The following CAPN15 variants were observed in gnomAD, a reference collection of about 807,000 sequenced individuals.
CAPN15 encodes calpain-15.
A neutral mutation model predicts 97.9 loss-of-function variants in CAPN15; 53 were observed. The observed-to-expected ratio is 0.54, with a 90% CI of 0.43 to 0.68. The LOEUF (loss-of-function observed/expected upper bound fraction) is 0.68. Ranked by LOEUF, CAPN15 falls within the 30% of genes least tolerant of loss-of-function variation. CAPN15 has a pLI of 0.00. For missense variants in CAPN15, 1,592 were observed against 1,589.8 expected, an observed-to-expected ratio of 1.00 and a Z score of -0.02; for synonymous variants, 922 against 722.5, an observed-to-expected ratio of 1.28 and a Z score of -4.43.
At chr16:534,358 T>C (rs1293834941) in intron 2 of CAPN15, among the ~76,000 whole-genome samples, 1 of 152,182 alleles carries the variant, frequency 6.6e-6, no homozygotes, top group Non-Finnish European at 1.5e-5. Context: ...CCCACCGCTA[T>C]CCTCAGCCAG....
rs773749272 is a variant in CAPN15, at chr16:548,197, C to T, written c.1359C>T (p.Arg453=). 1 of 1,543,458 alleles carries T rather than the reference C, an allele frequency of 6.5e-7. No homozygotes were observed. The highest frequency in any genetic ancestry group is 8.7e-7 in the Non-Finnish European group (1 of 1,145,298). ...AQRRGAAPLR[R]RESMHVEQRR... is the part of the protein sequence containing the mutation. ...GGCGGGGGGCCGCGCCCCTGAGGCG[C>T]AGGGAGAGCATGCACGTGGAGCAGC... is the stretch of plus-strand genomic sequence containing the variant. The change falls in exon 4 of 14, where the codon CGC becomes CGT. Residue 453 remains arginine, a synonymous_variant. Coordinates refer to ENST00000219611, the MANE Select transcript of CAPN15 (RefSeq NM_005632.3).
Position 551,383 on chromosome 16 carries a change from GCATGCCT to G in CAPN15, c.2149_2155del (p.His717ThrfsTer97). 1 of 1,610,458 alleles carries G rather than the reference GCATGCCT, an allele frequency of 6.2e-7. No homozygotes were observed. Among genetic ancestry groups the G allele is most frequent in the Non-Finnish European group, 8.5e-7 (1 of 1,178,840 alleles). ...ACGAGAGCCTGGGCCTGCGCCCCCG[GCATGCCT>G]ACTCCATCCTGGATGTCCGAGATGT... On this transcript the variant is annotated frameshift_variant, in exon 8 of 14. Coordinates refer to ENST00000219611, the MANE Select transcript of CAPN15 (RefSeq NM_005632.3). LOFTEE classifies it high-confidence loss of function.
Position 548,032 on chromosome 16 carries a change from G to A in CAPN15, c.1194G>A (p.Arg398=), listed in dbSNP as rs1339344973. The A allele has an allele frequency of 6.4e-7, 1 of 1,564,446 alleles. No homozygotes were observed. The highest frequency in any genetic ancestry group is 8.6e-7 in the Non-Finnish European group (1 of 1,156,910). Residue 398 remains arginine (R), a synonymous_variant, in exon 4 of 14, where the codon CGG becomes CGA. Transcript: ENST00000219611. The part of the protein sequence containing the change: ...KPSPCGRSCG[R]VSSAQKAARV... ...GCCCCTGCGGCAGAAGCTGCGGACG[G>A]GTGTCCTCGGCCCAGAAGGCCGCCC...
At chr16:551,890 T>G in intron 9 of CAPN15, 161 bp from the exon 10 acceptor site, 1 of 980,946 alleles carries the variant, frequency 1.0e-6, no homozygotes, top group Non-Finnish European at 1.6e-6. Flanking sequence ...GGCTTCCTAT[T>G]ATAGGCCTCA....
At chr16:551,871 G>A in intron 9 of CAPN15, 180 bp from the exon 10 acceptor site, 1 of 960,822 alleles carries the variant, frequency 1.0e-6, no homozygotes, top group Non-Finnish European at 1.6e-6. Flanking sequence ...TGAAGAGCCG[G>A]CCCTGGAGGG....
Position 547,122 on chromosome 16 carries a change from G to C in CAPN15, c.284G>C (p.Gly95Ala), listed in dbSNP as rs1416235993. The C allele has an allele frequency of 5.7e-6, 9 of 1,567,600 alleles. No homozygotes were observed. The highest frequency in any genetic ancestry group is 7.8e-6 in the Non-Finnish European group (9 of 1,158,528). The change falls in exon 4 of 14, where the codon GGG becomes GCG. Residue 95 changes from glycine to alanine, a missense_variant. By Grantham distance (60) the Gly-to-Ala change is moderately conservative (BLOSUM62 0). Coordinates refer to ENST00000219611, the MANE Select transcript of CAPN15 (RefSeq NM_005632.3). ...CTCCCCAAGCCACCCGCCATCCTGG[G>C]GGAGCCCAAGGGCAGCTGCCAGGAG... is the stretch of plus-strand genomic sequence containing the variant. ...GVLPKPPAIL[G>A]EPKGSCQEEA...
chr16:547,264 G>A lies in CAPN15; in HGVS notation c.426G>A (p.Glu142=), dbSNP rs775186912. ...EEQEEEEGAA[E]PRGGWACPRC... ...AGGAGGAGGAGGAGGGAGCGGCGGA[G>A]CCCAGAGGGGGCTGGGCGTGTCCGC... Residue 142 remains glutamate (E), a synonymous_variant, in exon 4 of 14, where the codon GAG becomes GAA. Coordinates refer to ENST00000219611, the MANE Select transcript of CAPN15 (RefSeq NM_005632.3). The A allele has an allele frequency of 6.6e-7, 1 of 1,509,560 alleles. No homozygotes were observed. The highest frequency in any genetic ancestry group is 8.8e-7 in the Non-Finnish European group (1 of 1,134,188). 93.5% of individuals were successfully genotyped at this position (1,509,560 alleles called of 1,614,324 possible). A position where few individuals can be genotyped will look rare whatever the true frequency, so the allele number is the denominator to read the frequency against.
chr16:547,259 G>C lies in CAPN15; in HGVS notation c.421G>C (p.Ala141Pro), dbSNP rs1305969577. ...KEEQEEEEGAAEPRGGWACPR... is the reference protein window; with the variant it reads ...KEEQEEEEGAPEPRGGWACPR... ...GGAGCAGGAGGAGGAGGAGGGAGCG[G>C]CGGAGCCCAGAGGGGGCTGGGCGTG... Residue 141 changes from alanine to proline, a missense_variant, in exon 4 of 14, where the codon GCG becomes CCG. By Grantham distance (27) the Ala-to-Pro change is conservative (BLOSUM62 -1). Coordinates refer to ENST00000219611, the MANE Select transcript of CAPN15 (RefSeq NM_005632.3). 1.3e-6 allele frequency: 2 copies of C among 1,509,880 alleles called. No homozygotes were observed. Among genetic ancestry groups the C allele is most frequent in the East Asian group, 2.4e-5 (1 of 41,134 alleles). The allele number at this position is 1,509,880 out of a possible 1,614,324, so 93.5% of individuals were successfully genotyped here.
rs1211951630 is a variant in CAPN15 at position 547,615 on chromosome 16, G to A, written c.777G>A (p.Val259=). 2.5e-6 allele frequency: 4 copies of A among 1,570,388 alleles called. No individual in the cohort carries two copies. Among genetic ancestry groups the A allele is most frequent in the Non-Finnish European group, 8.6e-7 (1 of 1,160,018 alleles). ...TTCCCCCCCAGCTGCAGCCACCGGT[G>A]CCTGAGGCTGCCCAGCCGTCACCCT... ...REVPPQLQPP[V]PEAAQPSPSA... is the part of the protein sequence containing the mutation. The change falls in exon 4 of 14, where the codon GTG becomes GTA. Residue 259 remains valine (V), a synonymous_variant. Coordinates refer to ENST00000219611, the MANE Select transcript of CAPN15 (RefSeq NM_005632.3).
intron 1 of CAPN15, among the ~76,000 whole-genome samples, chr16:531,376 A>G (rs1335212028): frequency 6.6e-6 from 1 of 152,068 alleles, no homozygotes; most frequent in Non-Finnish European, 1.5e-5. Flanking sequence ...GCCCTTTGTA[A>G]GTGAAGTCCC....
chr16:554,623 G>A lies in CAPN15; in HGVS notation c.*1107G>A, dbSNP rs984565752. The A allele has an allele frequency of 3.9e-5, 18 of 456,090 alleles. No individual in the cohort carries two copies. The highest frequency in any genetic ancestry group is 9.3e-5 in the South Asian group (6 of 64,570). The allele number at this position is 456,090 out of a possible 1,614,324, so 28.3% of individuals were successfully genotyped here. A position where few individuals can be genotyped will look rare whatever the true frequency, so the allele number is the denominator to read the frequency against. On this transcript the variant is annotated 3_prime_UTR_variant, in exon 14 of 14. Transcript: ENST00000219611. ...AGGCTCCAATGGACCAAATAAAAGC[G>A]TTTTGTTTTGTAATCACGCCTCCTC...
At position 547,608 on chromosome 16, in the gene CAPN15, C is replaced by G. The variant is rs2034685613; in HGVS notation, c.770C>G (p.Pro257Arg). Residue 257 changes from proline to arginine, a missense_variant, in exon 4 of 14, where the codon CCA (proline) becomes CGA (arginine). Physicochemically the swap from Pro to Arg is moderately radical, Grantham distance 103. Coordinates refer to ENST00000219611, the MANE Select transcript of CAPN15 (RefSeq NM_005632.3). Reference protein sequence around the residue: ...SRREVPPQLQPPVPEAAQPSP... With the variant: ...SRREVPPQLQRPVPEAAQPSP... ...CGCGAGGTTCCCCCCCAGCTGCAGC[C>G]ACCGGTGCCTGAGGCTGCCCAGCCG... The G allele has an allele frequency of 7.0e-6, 11 of 1,572,860 alleles. No homozygotes were observed. Among genetic ancestry groups the G allele is most frequent in the African/African-American group, 1.3e-5 (1 of 74,284 alleles).
intron 1 of CAPN15, chr16:528,597 C>G: frequency 1.0e-5 from 3 of 299,204 alleles, no homozygotes; most frequent in Non-Finnish European, 1.5e-5. Context: ...CTGCTGTCCT[C>G]CCGCTGGCTG....
rs559085100 is a variant in CAPN15, at chr16:551,839, A to G, written c.2345+175A>G. Reference sequence around the variant, plus strand: ...CCAACCTCAGAATTCAGGTCCACCCAGGTCAGCAGATTCCAGCGCCCTGAA... The same window carrying G: ...CCAACCTCAGAATTCAGGTCCACCCGGGTCAGCAGATTCCAGCGCCCTGAA... On this transcript the variant is annotated intron_variant, in intron 9 of 13. Transcript: ENST00000219611. 15 of 1,007,548 alleles carry G rather than the reference A, an allele frequency of 1.5e-5. No individual in the cohort carries two copies. The East Asian group carries it at 1.8e-4, about 12-fold the overall frequency. The allele number at this position is 1,007,548 out of a possible 1,614,324, so 62.4% of individuals were successfully genotyped here.
intron 3 of CAPN15, chr16:538,509 C>T (rs1382049675): frequency 6.6e-6 from 1 of 152,232 alleles, no homozygotes; most frequent in Non-Finnish European, 1.5e-5. Context: ...CCCACGACCC[C>T]AGCACCTTCA....
At chr16:549,894 C>T (rs1207676608) in intron 7 of CAPN15, 56 bp downstream of exon 7, 15 of 1,392,694 alleles carry the variant, frequency 1.1e-5, no homozygotes, top group Admixed American at 4.0e-5. Flanking sequence ...CGAGGCGGAG[C>T]GGTGGGAGAT....
At position 549,034 on chromosome 16, in the gene CAPN15, C is replaced by G. The variant is rs770905655; in HGVS notation, c.1491C>G (p.Pro497=). The G allele has an allele frequency of 1.9e-6, 3 of 1,612,666 alleles. No homozygotes were observed. Among genetic ancestry groups the G allele is most frequent in the Admixed American group, 1.7e-5 (1 of 60,012 alleles). ...TGGATGACAGCTTCCCTCCCGGGCCCGAGTCTGTCGGCTTCCCCGCGGGTG... is the reference window on the plus strand; with the variant it reads ...TGGATGACAGCTTCCCTCCCGGGCCGGAGTCTGTCGGCTTCCCCGCGGGTG... ...SFVDDSFPPG[P]ESVGFPAGDS... The change falls in exon 5 of 14, where the codon CCC becomes CCG. Residue 497 remains proline, a synonymous_variant. Coordinates refer to ENST00000219611, the MANE Select transcript of CAPN15 (RefSeq NM_005632.3).
In CAPN15 at chr16:534,235, G is replaced by GCGGCCCGGGGTCCCGAC. The variant is rs374380680; in HGVS notation, c.-137+237_-137+238insCGGCCCGGGGTCCCGAC. 9.0e-4 allele frequency among the ~76,000 whole-genome samples: 136 copies of GCGGCCCGGGGTCCCGAC among 151,492 alleles called. 1 individual carries two copies. The highest frequency in any genetic ancestry group is 3.4e-3 in the Middle Eastern group (1 of 292). On this transcript the variant is annotated intron_variant, in intron 2 of 13. Coordinates refer to ENST00000219611, the MANE Select transcript of CAPN15 (RefSeq NM_005632.3). ...GAGGGCGGCCCGGGGTCCCGACAGG[G>GCGGCCCGGGGTCCCGAC]GTGTTTGTCCCTTTGGGGACCTCCC...
chr16:548,670 C>G (rs917065672), intron 4 of CAPN15, among the ~76,000 whole-genome samples: 1 of 152,238 alleles, frequency 6.6e-6, no homozygotes, highest in Non-Finnish European at 1.5e-5. Context: ...GATGGCATCA[C>G]CCACGGGTCA....
Sources: gnomAD v4.1 joint callset for allele counts (sites outside exome capture counted in the v4.1 genomes callset) on GRCh38, gnomAD v4.1.1 for gene constraint, MANE v1.5 for transcripts, NCBI Gene and HGNC (gene_info 2026-07-23, HGNC 2026-07-21) for gene names.